EPS15: variants seen among roughly 807,000 people sequenced by gnomAD.
EPS15 encodes the protein epidermal growth factor receptor pathway substrate 15.
A neutral mutation model predicts 113.8 loss-of-function variants in EPS15; 72 were observed. The ratio of observed to expected loss-of-function variants is 0.63; its 90% CI spans 0.52 to 0.77. The LOEUF (loss-of-function observed/expected upper bound fraction) is 0.77, where lower values mean the gene tolerates loss of function less well. Among genes scored for constraint, EPS15 ranks in the 30% least tolerant of loss-of-function variants. EPS15 has a pLI of 0.00. For missense variants in EPS15, 1,048 were observed against 1,045.8 expected (o/e 1.00, Z -0.03); for synonymous variants, 344 against 363.4 (o/e 0.95, Z 0.61).
At chr1:51,361,105 C>A in intron 24 of EPS15, 66 bp downstream of exon 24, 1 of 1,243,732 alleles carries the variant, frequency 8.0e-7, no homozygotes, top group Non-Finnish European at 1.1e-6. Flanking sequence ...ACTTGGCAGA[C>A]TCCAAAATAA....
At chr1:51,368,484 C>T (rs575125526) in intron 21 of EPS15, among the ~76,000 whole-genome samples, 26 of 152,288 alleles carry the variant, frequency 1.7e-4, no homozygotes, top group African/African-American at 5.5e-4. Context: ...TAAAAGATGG[C>T]CTTTTCATTG....
At chr1:51,488,458 C>A (rs1644164272) in intron 1 of EPS15, among the ~76,000 whole-genome samples, 1 of 119,714 alleles carries the variant, frequency 8.4e-6, no homozygotes, top group African/African-American at 3.2e-5. Flanking sequence ...TGCTAGAAAG[C>A]CAATAAAGTT....
intron 24 of EPS15, among the ~76,000 whole-genome samples, chr1:51,357,865 G>A (rs1241445395): frequency 1.3e-5 from 2 of 150,998 alleles, no homozygotes; most frequent in African/African-American, 2.4e-5. Context: ...TCAGCCTCCC[G>A]AGTAGCTGGA....
At chr1:51,380,322 T>A (rs1646912971) in intron 21 of EPS15, among the ~76,000 whole-genome samples, 1 of 151,944 alleles carries the variant, frequency 6.6e-6, no homozygotes, top group Non-Finnish European at 1.5e-5. Flanking sequence ...TTTTCTCTGA[T>A]AAAGGTAAAT....
intron 13 of EPS15, among the ~76,000 whole-genome samples, chr1:51,420,537 T>A (rs1448161695): frequency 1.3e-5 from 2 of 152,192 alleles, no homozygotes; most frequent in African/African-American, 4.8e-5. Flanking sequence ...AAACTATTTT[T>A]AGTAATAACT....
chr1:51,384,874 T>C (rs780856733), intron 21 of EPS15, among the ~76,000 whole-genome samples: 1 of 152,162 alleles, frequency 6.6e-6, no homozygotes, highest in Non-Finnish European at 1.5e-5. Flanking sequence ...GAAAAGATGA[T>C]GGGAAAACTG....
chr1:51,378,933 G>A (rs1207563133), intron 21 of EPS15, among the ~76,000 whole-genome samples: 2 of 152,116 alleles, frequency 1.3e-5, no homozygotes, highest in Non-Finnish European at 2.9e-5. Context: ...AGAAATAATG[G>A]CCAAAACTCC....
At position 51,410,569 on chromosome 1, in the gene EPS15, C is replaced by T. The variant is rs550235735; in HGVS notation, c.1114-873G>A. On this transcript the variant is annotated intron_variant, in intron 13 of 24. Coordinates refer to ENST00000371733, the MANE Select transcript of EPS15 (RefSeq NM_001981.3). ...ATCCATGTACATACCAGACCTCATG[C>T]TTAATAACAAGAACTACAGAAATTT... Among the ~76,000 whole-genome samples the T allele has an allele frequency of 3.9e-5, 6 of 152,220 alleles. No individual in the cohort carries two copies. In the East Asian group the frequency reaches 1.2e-3, roughly 29 times the overall value.
At chr1:51,411,900 A>T (rs1392522758) in intron 13 of EPS15, among the ~76,000 whole-genome samples, 5 of 152,242 alleles carry the variant, frequency 3.3e-5, no homozygotes, top group Non-Finnish European at 7.3e-5. Flanking sequence ...ATAAAGACAC[A>T]TGCACACGTA....
chr1:51,408,884 C>T (rs2148429952), intron 14 of EPS15, among the ~76,000 whole-genome samples: 1 of 151,410 alleles, frequency 6.6e-6, no homozygotes, highest in Non-Finnish European at 1.5e-5. Context: ...ACTGCAAGCT[C>T]CGCCTCCTGG....
intron 10 of EPS15, among the ~76,000 whole-genome samples, chr1:51,446,392 A>T (rs934901495): frequency 1.3e-5 from 2 of 152,020 alleles, no homozygotes; most frequent in Admixed American, 6.6e-5. Flanking sequence ...TTTTAAGTTT[A>T]ATTGATATAA....
chr1:51,508,872 T>A (rs1644569783), intron 1 of EPS15, among the ~76,000 whole-genome samples: 1 of 152,196 alleles, frequency 6.6e-6, no homozygotes, highest in South Asian at 2.1e-4. Context: ...TTAACTTGAA[T>A]CAAATGTTCC....
intron 12 of EPS15, among the ~76,000 whole-genome samples, chr1:51,432,595 T>TC (rs2148464653): frequency 6.6e-6 from 1 of 152,200 alleles, no homozygotes; most frequent in African/African-American, 2.4e-5. Context: ...ACATTTTTTT[T>TC]CATTCTAAAT....
At chr1:51,430,810 T>C (rs1455616625) in intron 12 of EPS15, among the ~76,000 whole-genome samples, 3 of 151,810 alleles carry the variant, frequency 2.0e-5, no homozygotes, top group African/African-American at 7.3e-5. Flanking sequence ...TTTTTTTTAA[T>C]TAGCTGGGCA....
At chr1:51,488,751 T>C (rs1175680613) in intron 1 of EPS15, among the ~76,000 whole-genome samples, 3 of 152,178 alleles carry the variant, frequency 2.0e-5, no homozygotes, top group Non-Finnish European at 4.4e-5. Flanking sequence ...CTCCTTTCTT[T>C]AGTAATAGTA....
chr1:51,406,219 T>A, intron 15 of EPS15, 111 bp from the exon 16 acceptor site: 2 of 852,810 alleles, frequency 2.3e-6, no homozygotes, highest in Non-Finnish European at 3.6e-6. Flanking sequence ...CTCATGCCTA[T>A]AATCTCAACA....
chr1:51,375,532 G>T (rs982636392), intron 21 of EPS15, among the ~76,000 whole-genome samples: 3 of 152,186 alleles, frequency 2.0e-5, no homozygotes, highest in Admixed American at 6.5e-5. Flanking sequence ...TCTTGTGTTT[G>T]TGACTTGGGT....
intron 17 of EPS15, among the ~76,000 whole-genome samples, chr1:51,402,995 TTAACA>T (rs777428272): frequency 2.2e-4 from 34 of 152,214 alleles, no homozygotes; most frequent in Non-Finnish European, 4.4e-4. Context: ...TTCCTTCACC[TTAACA>T]TATTTTTCTC....
chr1:51,501,486 T>C (rs1644413855), intron 1 of EPS15, among the ~76,000 whole-genome samples: 1 of 151,998 alleles, frequency 6.6e-6, no homozygotes, highest in Non-Finnish European at 1.5e-5. Flanking sequence ...TGTGGGTTTT[T>C]TGTGGTTTTC....
Sources: allele counts gnomAD v4.1 joint callset (sites outside exome capture counted in the v4.1 genomes callset), GRCh38; gene constraint gnomAD v4.1.1; transcripts MANE v1.5; gene names NCBI Gene and HGNC (gene_info 2026-07-23, HGNC 2026-07-21).